LRCH2: variants seen among roughly 807,000 people sequenced by gnomAD.
LRCH2 encodes leucine rich repeats and calponin homology domain containing 2.
Under a neutral mutation model 68.9 loss-of-function variants are expected in LRCH2, and 38 were observed. That is an observed-to-expected ratio of 0.55 (90% CI 0.43 to 0.72). The LOEUF is 0.72. LRCH2 is among the 30% of genes least tolerant of loss of function. LRCH2 has a pLI of 0.00. For synonymous variants in LRCH2, 191 were observed against 208.1 expected (o/e 0.92, Z 0.71); for missense variants, 528 against 572.9 (o/e 0.92, Z 0.80).
At chrX:115,122,276 C>T (rs1459733391) in intron 20 of LRCH2, among the ~76,000 whole-genome samples, 2 of 109,181 alleles carry the variant, frequency 1.8e-5, no homozygotes, top group East Asian at 5.8e-4. Context: ...ATATGGCCAC[C>T]GAGTTATGTT....
At chrX:115,152,021 T>C (rs1208894582) in intron 12 of LRCH2, among the ~76,000 whole-genome samples, 1 of 111,361 alleles carries the variant, frequency 9.0e-6, no homozygotes, top group Non-Finnish European at 1.9e-5. Flanking sequence ...GTACTGATCA[T>C]TGAACATGTA....
intron 1 of LRCH2, among the ~76,000 whole-genome samples, chrX:115,220,347 G>A (rs2073069882): frequency 8.9e-6 from 1 of 112,228 alleles, no homozygotes; most frequent in African/African-American, 3.2e-5. Context: ...ATGGAAAGAT[G>A]TTTAAGGCAA....
In LRCH2 at chrX:115,130,306, A is replaced by G. The variant is rs782125425; in HGVS notation, c.1696-107T>C. ...CATATTTTGGTAGCTTTATTACATT[A>G]CCTGATAACAAATTTAAGTATATAA... On this transcript the variant is annotated intron_variant, in intron 14 of 20. Transcript: ENST00000317135. 23 of 394,543 alleles carry G rather than the reference A, an allele frequency of 5.8e-5. No homozygotes were observed. In the South Asian group the frequency reaches 1.2e-3, roughly 20 times the overall value. 32.5% of individuals were successfully genotyped at this position (394,543 alleles called of 1,213,427 possible).
In LRCH2 at chrX:115,130,177, G is replaced by T; in HGVS notation, c.1718C>A (p.Ser573Ter). ...CACCTCATCATTTTCATTGCCACTT[G>T]AACTCTTCCTCATTGATTTATACTG... The part of the protein sequence containing the change: ...YFKYKSMRKS[S>*]SGNENDEQDS... Residue 573 changes from serine to a stop codon, truncating the protein, a stop_gained, in exon 15 of 21, where the codon TCA (serine) becomes TAA (stop). Transcript: ENST00000317135. LOFTEE classifies it high-confidence loss of function. 1 of 1,036,601 alleles carries T rather than the reference G, an allele frequency of 9.6e-7. No homozygotes were observed. The highest frequency in any genetic ancestry group is 1.3e-6 in the Non-Finnish European group (1 of 760,902). The allele number at this position is 1,036,601 out of a possible 1,213,427, so 85.4% of individuals were successfully genotyped here.
chrX:115,154,823 T>A (rs2072460243), intron 12 of LRCH2, among the ~76,000 whole-genome samples: 2 of 110,162 alleles, frequency 1.8e-5, no homozygotes, highest in South Asian at 7.8e-4. Flanking sequence ...ACTCATGTTT[T>A]AATCCATCAA....
chrX:115,186,239 A>G, intron 2 of LRCH2, among the ~76,000 whole-genome samples: 1 of 109,439 alleles, frequency 9.1e-6, no homozygotes, highest in South Asian at 4.0e-4. Flanking sequence ...TATACTTCCA[A>G]CTACTTGGGA....
Position 115,234,089 on chromosome X carries a change from G to A in LRCH2, c.-48C>T. The A allele has an allele frequency of 8.7e-7, 1 of 1,147,131 alleles. No homozygotes were observed. Among genetic ancestry groups the A allele is most frequent in the Non-Finnish European group, 1.2e-6 (1 of 861,367 alleles). 94.5% of individuals were successfully genotyped at this position (1,147,131 alleles called of 1,213,427 possible). A position where few individuals can be genotyped will look rare whatever the true frequency, so the allele number is the denominator to read the frequency against. On this transcript the variant is annotated 5_prime_UTR_variant, in exon 1 of 21. Coordinates refer to ENST00000317135, the MANE Select transcript of LRCH2 (RefSeq NM_020871.4). Reference sequence around the variant, plus strand: ...CCCGACAATACTGTCAGCCTGTGCCGCGAGTGTAAGGGGTTCTTAGGACGC... The same window carrying A: ...CCCGACAATACTGTCAGCCTGTGCCACGAGTGTAAGGGGTTCTTAGGACGC...
intron 12 of LRCH2, 69 bp from the exon 13 acceptor site, chrX:115,150,139 C>T (rs2072421563): frequency 7.4e-5 from 58 of 785,980 alleles, no homozygotes; most frequent in Non-Finnish European, 1.0e-4. Context: ...TATTATGAAC[C>T]TTAGATGTTA....
At chrX:115,121,196 A>T (rs1311303516) in intron 20 of LRCH2, among the ~76,000 whole-genome samples, 1 of 110,278 alleles carries the variant, frequency 9.1e-6, no homozygotes, top group East Asian at 2.8e-4. Flanking sequence ...TAAATAAATA[A>T]ATAAAGGGGT....
intron 5 of LRCH2, 95 bp downstream of exon 5, chrX:115,179,332 G>A: frequency 1.4e-6 from 1 of 733,460 alleles, no homozygotes; most frequent in East Asian, 4.1e-5. Context: ...CAACAAATTG[G>A]CTCTTGATTT....
chrX:115,142,936 C>A (rs2072351702), intron 14 of LRCH2, among the ~76,000 whole-genome samples: 2 of 110,059 alleles, frequency 1.8e-5, no homozygotes, highest in African/African-American at 6.6e-5. Context: ...CCCATCTCTA[C>A]AAAAAATACA....
intron 20 of LRCH2, among the ~76,000 whole-genome samples, chrX:115,120,915 G>C (rs1437639851): frequency 9.6e-6 from 1 of 104,085 alleles, no homozygotes; most frequent in Non-Finnish European, 2.0e-5. Context: ...GTAAACTATC[G>C]CAAGAACAAA....
chrX:115,199,681 TAGAC>T (rs1205908278), intron 1 of LRCH2, among the ~76,000 whole-genome samples: 1 of 108,530 alleles, frequency 9.2e-6, no homozygotes, highest in African/African-American at 3.3e-5. Flanking sequence ...AAGAGAGAGA[TAGAC>T]AGATACAATA....
chrX:115,113,638 A>T (rs1382256608), intron 20 of LRCH2, among the ~76,000 whole-genome samples: 2 of 111,440 alleles, frequency 1.8e-5, no homozygotes, highest in African/African-American at 3.2e-5. Flanking sequence ...TCACTACTCA[A>T]CCACTGCTAT....
At chrX:115,222,206 T>C (rs1272774505) in intron 1 of LRCH2, among the ~76,000 whole-genome samples, 2 of 111,901 alleles carry the variant, frequency 1.8e-5, no homozygotes, top group Admixed American at 1.9e-4. Flanking sequence ...TTCAACACCC[T>C]TTCATGATAA....
Position 115,192,040 on chromosome X carries a change from C to T in LRCH2, c.350-3670G>A, listed in dbSNP as rs888238912. The T allele has an allele frequency of 2.7e-5, 32 of 1,164,838 alleles. No individual in the cohort carries two copies. The South Asian group carries it at 4.0e-4, about 15-fold the overall frequency. Reference sequence around the variant, plus strand: ...AGGCCACTACGAAGAGTACCGAGGCCGCTCGCACGACACCCACAGCAGGGG... The same window carrying T: ...AGGCCACTACGAAGAGTACCGAGGCTGCTCGCACGACACCCACAGCAGGGG... On this transcript the variant is annotated intron_variant, in intron 1 of 20. Transcript: ENST00000317135.
Position 115,153,064 on chromosome X carries a change from G to A in LRCH2, c.1530-2994C>T, listed in dbSNP as rs782469949. 4.7e-4 allele frequency among the ~76,000 whole-genome samples: 50 copies of A among 106,271 alleles called. 1 individual carries two copies. Among genetic ancestry groups the A allele is most frequent in the Non-Finnish European group, 7.9e-4 (41 of 51,640 alleles). The allele number at this position is 106,271 out of a possible 115,157, so 92.3% of individuals were successfully genotyped here. A position where few individuals can be genotyped will look rare whatever the true frequency, so the allele number is the denominator to read the frequency against. On this transcript the variant is annotated intron_variant, in intron 12 of 20. Coordinates refer to ENST00000317135, the MANE Select transcript of LRCH2 (RefSeq NM_020871.4). The stretch of plus-strand genomic sequence containing the variant: ...TAGCTCATGCCTGTAATCCCAACAC[G>A]TTGGGAGGCCAAGGAAGGAGGATTC...
chrX:115,230,306 T>C (rs2073144951), intron 1 of LRCH2, among the ~76,000 whole-genome samples: 1 of 108,811 alleles, frequency 9.2e-6, no homozygotes, highest in African/African-American at 3.4e-5. Context: ...AAGGAGTATC[T>C]GGAAGGGAGA....
In LRCH2 at chrX:115,126,875, T is replaced by A; in HGVS notation, c.1759A>T (p.Asn587Tyr). The change falls in exon 16 of 21, where the codon AAT becomes TAT. Residue 587 changes from asparagine to tyrosine, a missense_variant. Physicochemically the swap from Asn to Tyr is moderately radical, Grantham distance 143 (BLOSUM62 -2). Coordinates refer to ENST00000317135, the MANE Select transcript of LRCH2 (RefSeq NM_020871.4). ...ENDEQDSDNA[N>Y]MSTQSPVSSE... ...GATACTGGAGATTGTGTTGACATAT[T>A]AGCATTATCACTGTCTTGCTAAAAC... 9.3e-7 allele frequency: 1 copy of A among 1,072,566 alleles called. No individual in the cohort carries two copies. Among genetic ancestry groups the A allele is most frequent in the Non-Finnish European group, 1.2e-6 (1 of 816,877 alleles). 88.4% of individuals were successfully genotyped at this position (1,072,566 alleles called of 1,213,427 possible). A position where few individuals can be genotyped will look rare whatever the true frequency, so the allele number is the denominator to read the frequency against.
Sources: allele counts gnomAD v4.1 joint callset (sites outside exome capture counted in the v4.1 genomes callset), GRCh38; gene constraint gnomAD v4.1.1; transcripts MANE v1.5; gene names NCBI Gene and HGNC (gene_info 2026-07-23, HGNC 2026-07-21).